The following SPATA17 variants were observed in gnomAD, a reference collection of about 807,000 sequenced individuals.
The protein encoded by SPATA17 is spermatogenesis associated 17.
Under a neutral mutation model 62.2 loss-of-function variants are expected in SPATA17, and 53 were observed. The observed-to-expected ratio is 0.85, with a 90% CI of 0.68 to 1.07. The LOEUF (loss-of-function observed/expected upper bound fraction) is 1.07, where lower values mean the gene tolerates loss of function less well. Among genes scored for constraint, SPATA17 ranks in the 50% least tolerant of loss-of-function variants. SPATA17 has a pLI of 0.00. For synonymous variants in SPATA17, 146 were observed against 146.8 expected, an observed-to-expected ratio of 0.99 and a Z score of 0.04; for missense variants, 466 against 425.5, an observed-to-expected ratio of 1.10 and a Z score of -0.84.
chr1:217,844,502 G>A (rs1298577013), intron 9 of SPATA17, among the ~76,000 whole-genome samples: 1 of 152,062 alleles, frequency 6.6e-6, no homozygotes, highest in Non-Finnish European at 1.5e-5. Flanking sequence ...TTTCCTCCTT[G>A]TGGCTGTCTG....
intron 5 of SPATA17, among the ~76,000 whole-genome samples, chr1:217,713,156 G>A (rs1332288997): frequency 6.6e-6 from 1 of 152,168 alleles, no homozygotes; most frequent in Admixed American, 6.5e-5. Context: ...GTAGAATGGA[G>A]TGAAGGTGTG....
intron 1 of SPATA17, among the ~76,000 whole-genome samples, chr1:217,640,294 A>C (rs1298066830): frequency 1.3e-5 from 2 of 152,078 alleles, no homozygotes; most frequent in Non-Finnish European, 2.9e-5. Flanking sequence ...GGAAGAAGTA[A>C]AATTGTCTTT....
At chr1:217,732,597 A>G (rs563532932) in intron 5 of SPATA17, among the ~76,000 whole-genome samples, 2 of 152,276 alleles carry the variant, frequency 1.3e-5, no homozygotes, top group African/African-American at 4.8e-5. Flanking sequence ...AAGATGGGCA[A>G]TGGAGAGAAT....
At chr1:217,847,799 G>A (rs1415938414) in intron 9 of SPATA17, among the ~76,000 whole-genome samples, 1 of 152,186 alleles carries the variant, frequency 6.6e-6, no homozygotes. Flanking sequence ...AGCCCACTGG[G>A]AGGCAGAGGT....
intron 6 of SPATA17, among the ~76,000 whole-genome samples, chr1:217,772,960 T>TGCTGCATTTGGGATGGGAC (rs1286038194): frequency 6.6e-6 from 1 of 152,102 alleles, no homozygotes; most frequent in Non-Finnish European, 1.5e-5. Flanking sequence ...TGGGATGGGA[T>TGCTGCATTTGGGATGGGAC]GTTGCATTTG....
At chr1:217,772,000 C>T (rs1253751399) in intron 6 of SPATA17, among the ~76,000 whole-genome samples, 1 of 152,146 alleles carries the variant, frequency 6.6e-6, no homozygotes, top group Non-Finnish European at 1.5e-5. Context: ...TCATAAAAAA[C>T]TAACAGACTT....
At chr1:217,713,683 C>T (rs1276741833) in intron 5 of SPATA17, among the ~76,000 whole-genome samples, 1 of 152,080 alleles carries the variant, frequency 6.6e-6, no homozygotes, top group Non-Finnish European at 1.5e-5. Flanking sequence ...GAAATCGATG[C>T]TTGGATGCTG....
chr1:217,728,144 T>C (rs1672312327), intron 5 of SPATA17, among the ~76,000 whole-genome samples: 1 of 152,170 alleles, frequency 6.6e-6, no homozygotes, highest in Admixed American at 6.6e-5. Flanking sequence ...TTAAAACTTA[T>C]TTATTTAGTT....
chr1:217,771,298 A>T (rs1003872733), intron 6 of SPATA17, among the ~76,000 whole-genome samples: 4 of 151,894 alleles, frequency 2.6e-5, no homozygotes, highest in African/African-American at 9.7e-5. Flanking sequence ...GCTGAAAATG[A>T]AGTCCCCAAA....
intron 5 of SPATA17, among the ~76,000 whole-genome samples, chr1:217,702,462 A>G (rs1671621155): frequency 6.6e-6 from 1 of 152,188 alleles, no homozygotes; most frequent in Non-Finnish European, 1.5e-5. Context: ...AACATACTGT[A>G]TATTTACCTT....
At chr1:217,861,697 T>C (rs1419975187) in intron 9 of SPATA17, among the ~76,000 whole-genome samples, 1 of 152,224 alleles carries the variant, frequency 6.6e-6, no homozygotes, top group Non-Finnish European at 1.5e-5. Context: ...GCATTTATGC[T>C]ATCCAAGAAG....
chr1:217,844,742 T>C (rs1675486108), intron 9 of SPATA17, among the ~76,000 whole-genome samples: 1 of 152,132 alleles, frequency 6.6e-6, no homozygotes, highest in Non-Finnish European at 1.5e-5. Flanking sequence ...AGGAATGCCT[T>C]TCTGTTGCTT....
rs142615766 is a variant in SPATA17 at position 217,659,701 on chromosome 1, G to A, written c.240+8523G>A. Among the ~76,000 whole-genome samples the A allele has an allele frequency of 4.6e-3, 702 of 152,072 alleles. 4 individuals carry two copies. Among genetic ancestry groups the A allele is most frequent in the African/African-American group, 0.016 (648 of 41,490 alleles). ...GGATGTCCCTCGGGTGGCCCAAATT[G>A]GCTCGTCCTATATTTCTTTTTTTCA... On this transcript the variant is annotated intron_variant, in intron 3 of 10. Transcript: ENST00000366933.
intron 9 of SPATA17, among the ~76,000 whole-genome samples, chr1:217,862,365 T>C (rs1158257262): frequency 1.3e-5 from 2 of 152,224 alleles, no homozygotes; most frequent in Non-Finnish European, 2.9e-5. Context: ...TAGTCTGCCC[T>C]CTATGATAGT....
At position 217,870,507 on chromosome 1, in the gene SPATA17, T is replaced by C. The variant is rs1676108912; in HGVS notation, c.*3488T>C. 1 of 152,184 alleles carries C rather than the reference T, an allele frequency of 6.6e-6. No homozygotes were observed. Among genetic ancestry groups the C allele is most frequent in the Admixed American group, 6.5e-5 (1 of 15,270 alleles). 9.4% of individuals were successfully genotyped at this position (152,184 alleles called of 1,614,324 possible). A position where few individuals can be genotyped will look rare whatever the true frequency, so the allele number is the denominator to read the frequency against. ...AAATATAACTGGGGAAAGCAGTTTG[T>C]CTGTTTCTCCTGGAAAACTACTAGA... On this transcript the variant is annotated 3_prime_UTR_variant, in exon 11 of 11. Transcript: ENST00000366933.
At chr1:217,755,557 CTAAT>C (rs1184444536) in intron 6 of SPATA17, among the ~76,000 whole-genome samples, 1 of 151,900 alleles carries the variant, frequency 6.6e-6, no homozygotes, top group Non-Finnish European at 1.5e-5. Flanking sequence ...AAAAGCATGC[CTAAT>C]TAGTCATTCC....
intron 6 of SPATA17, among the ~76,000 whole-genome samples, chr1:217,766,320 T>C (rs1269771288): frequency 2.0e-5 from 3 of 152,086 alleles, no homozygotes; most frequent in Non-Finnish European, 4.4e-5. Context: ...CCATTTCCTC[T>C]ACTTTCTTAG....
At chr1:217,836,439 A>T (rs1362043582) in intron 9 of SPATA17, among the ~76,000 whole-genome samples, 1 of 152,156 alleles carries the variant, frequency 6.6e-6, no homozygotes, top group Non-Finnish European at 1.5e-5. Flanking sequence ...AACGGACAAA[A>T]GCTGTGAGTT....
chr1:217,819,371 T>G (rs2102996041), intron 9 of SPATA17, among the ~76,000 whole-genome samples: 1 of 152,112 alleles, frequency 6.6e-6, no homozygotes, highest in South Asian at 2.1e-4. Flanking sequence ...GGATCCTTTT[T>G]TTTCCACTTT....
Sources: gnomAD v4.1 joint callset for allele counts (sites outside exome capture counted in the v4.1 genomes callset) on GRCh38, gnomAD v4.1.1 for gene constraint, MANE v1.5 for transcripts, NCBI Gene and HGNC (gene_info 2026-07-23, HGNC 2026-07-21) for gene names.